Variants in PPP2R5A observed in about 807,000 individuals in gnomAD.
PPP2R5A encodes the protein protein phosphatase 2 regulatory subunit B'alpha, also known as serine/threonine-protein phosphatase 2A 56 kDa regulatory subunit alpha isoform.
A neutral mutation model predicts 64.2 loss-of-function variants in PPP2R5A; 25 were observed. That is an observed-to-expected ratio of 0.39 (90% confidence interval 0.28 to 0.54). The LOEUF is 0.54. Among genes scored for constraint, PPP2R5A ranks in the 20% least tolerant of loss-of-function variants. The pLI is 0.67. For synonymous variants in PPP2R5A, 198 were observed against 201.2 expected (o/e 0.98, Z 0.13); for missense variants, 425 against 576.3 (o/e 0.74, Z 2.69).
chr1:212,305,338 T>G (rs1414153317), intron 1 of PPP2R5A, among the ~76,000 whole-genome samples: 4 of 152,108 alleles, frequency 2.6e-5, no homozygotes, highest in Non-Finnish European at 4.4e-5. Context: ...CCCCAATTTT[T>G]TAATGTTACT....
intron 5 of PPP2R5A, among the ~76,000 whole-genome samples, chr1:212,346,348 T>C (rs1213581273): frequency 6.6e-6 from 1 of 151,924 alleles, no homozygotes; most frequent in Admixed American, 6.6e-5. Context: ...AGTCCTCTTA[T>C]ATGGGGCCTA....
intron 1 of PPP2R5A, among the ~76,000 whole-genome samples, chr1:212,327,143 G>A (rs1028816721): frequency 2.0e-5 from 3 of 152,150 alleles, no homozygotes; most frequent in African/African-American, 4.8e-5. Flanking sequence ...ATTTCTGCCT[G>A]TATCTTTATA....
chr1:212,350,585 C>T (rs532245377), intron 8 of PPP2R5A, among the ~76,000 whole-genome samples: 6 of 151,516 alleles, frequency 4.0e-5, no homozygotes, highest in East Asian at 2.0e-4. Context: ...ATCCAGGAGG[C>T]GTAGGTTGCA....
At chr1:212,314,458 A>G (rs954988573) in intron 1 of PPP2R5A, among the ~76,000 whole-genome samples, 3 of 151,914 alleles carry the variant, frequency 2.0e-5, no homozygotes, top group Non-Finnish European at 4.4e-5. Flanking sequence ...GCTGGAGTGC[A>G]TGATCACAGC....
chr1:212,318,613 T>G (rs1437424677), intron 1 of PPP2R5A, among the ~76,000 whole-genome samples: 2 of 152,214 alleles, frequency 1.3e-5, no homozygotes, highest in African/African-American at 4.8e-5. Flanking sequence ...AATTGCTCCT[T>G]GGTTAATACT....
intron 1 of PPP2R5A, among the ~76,000 whole-genome samples, chr1:212,316,362 T>C (rs1659152683): frequency 6.6e-6 from 1 of 152,150 alleles, no homozygotes; most frequent in Admixed American, 6.5e-5. Flanking sequence ...GGAGAAAGTT[T>C]GAGTGGTCTG....
At chr1:212,349,010 G>T (rs1467165696) in intron 7 of PPP2R5A, among the ~76,000 whole-genome samples, 179 bp from the exon 8 acceptor site, 5 of 152,082 alleles carry the variant, frequency 3.3e-5, no homozygotes, top group African/African-American at 7.2e-5. Flanking sequence ...TTACACAATT[G>T]TGAGTATAGT....
chr1:212,356,134 A>G (rs2102450165), intron 8 of PPP2R5A, among the ~76,000 whole-genome samples: 2 of 152,300 alleles, frequency 1.3e-5, no homozygotes, highest in African/African-American at 4.8e-5. Flanking sequence ...TGTGCTAGCC[A>G]TGAAATAGAC....
chr1:212,311,633 A>G (rs574316107), intron 1 of PPP2R5A, among the ~76,000 whole-genome samples: 2 of 152,250 alleles, frequency 1.3e-5, no homozygotes, highest in East Asian at 3.9e-4. Context: ...AGCCTCAGGC[A>G]GGCCCTTCAG....
In PPP2R5A at chr1:212,296,157, C is replaced by G. The variant is rs1658687889; in HGVS notation, c.181+9866C>G. Among the ~76,000 whole-genome samples the G allele has an allele frequency of 2.6e-5, 4 of 151,950 alleles. No homozygotes were observed. The South Asian group carries it at 8.3e-4, about 32-fold the overall frequency. On this transcript the variant is annotated intron_variant, in intron 1 of 12. Transcript: ENST00000261461. ...AGAGGTGTAGGAGTCAAGGATGACT[C>G]TCACGTGCTTTAGCTTGGACACCTG...
Position 212,286,130 on chromosome 1 carries a change from C to G in PPP2R5A, c.20C>G (p.Pro7Arg). The G allele has an allele frequency of 1.9e-6, 3 of 1,582,098 alleles. No individual in the cohort carries two copies. The highest frequency in any genetic ancestry group is 2.6e-6 in the Non-Finnish European group (3 of 1,167,122). Residue 7 changes from proline (P) to arginine (R), a missense_variant, in exon 1 of 13, where the codon CCG becomes CGG. This residue lies in a region of PPP2R5A where 104 missense variants were observed against 95.7 expected (regional missense o/e 1.09). Coordinates refer to ENST00000261461, the MANE Select transcript of PPP2R5A (RefSeq NM_006243.4). MSSSSP[P>R]AGAASAAISA... ...GCGGAGATGTCGTCGTCGTCGCCGC[C>G]GGCGGGGGCTGCCAGCGCCGCCATC...
At chr1:212,333,007 T>A (rs1230596615) in intron 2 of PPP2R5A, among the ~76,000 whole-genome samples, 1 of 151,912 alleles carries the variant, frequency 6.6e-6, no homozygotes, top group African/African-American at 2.4e-5. Context: ...GCTCAAGCGA[T>A]TCTCCTGCCT....
intron 1 of PPP2R5A, among the ~76,000 whole-genome samples, chr1:212,315,540 T>C (rs1659130593): frequency 6.6e-6 from 1 of 152,248 alleles, no homozygotes; most frequent in Non-Finnish European, 1.5e-5. Context: ...AAAACTTCTT[T>C]GCAACATTTT....
intron 1 of PPP2R5A, among the ~76,000 whole-genome samples, chr1:212,327,264 T>C (rs1261011468): frequency 6.6e-6 from 1 of 152,200 alleles, no homozygotes. Context: ...TAAACTTAAG[T>C]GATTGAACTA....
intron 1 of PPP2R5A, among the ~76,000 whole-genome samples, chr1:212,290,872 G>A (rs1658589333): frequency 6.6e-6 from 1 of 152,144 alleles, no homozygotes; most frequent in Admixed American, 6.6e-5. Context: ...ATTTTCACCT[G>A]CAAGAATAAC....
At chr1:212,343,619 A>G (rs1396775623) in intron 4 of PPP2R5A, among the ~76,000 whole-genome samples, 1 of 152,218 alleles carries the variant, frequency 6.6e-6, no homozygotes, top group Non-Finnish European at 1.5e-5. Context: ...CTATAAAGAA[A>G]TATTAGGTGT....
Position 212,285,854 on chromosome 1 carries a change from C to T in PPP2R5A, c.-257C>T. 1.1e-5 allele frequency: 4 copies of T among 379,460 alleles called. No individual in the cohort carries two copies. Among genetic ancestry groups the T allele is most frequent in the Non-Finnish European group, 1.9e-5 (4 of 214,698 alleles). The allele number at this position is 379,460 out of a possible 1,614,324, so 23.5% of individuals were successfully genotyped here. A position where few individuals can be genotyped will look rare whatever the true frequency, so the allele number is the denominator to read the frequency against. ...TCAACAACTTCTTCACCCCCCTCCG[C>T]CCCCGCCCTTCCCTCCGTCAGCCCC... On this transcript the variant is annotated 5_prime_UTR_variant, in exon 1 of 13. Coordinates refer to ENST00000261461, the MANE Select transcript of PPP2R5A (RefSeq NM_006243.4).
At chr1:212,291,535 A>AGAATCACCG (rs1489480458) in intron 1 of PPP2R5A, among the ~76,000 whole-genome samples, 3 of 152,222 alleles carry the variant, frequency 2.0e-5, no homozygotes, top group African/African-American at 7.2e-5. Context: ...GCCAGGATTG[A>AGAATCACCG]GAATCACCGG....
At chr1:212,319,489 T>A (rs566694000) in intron 1 of PPP2R5A, 3 of 152,330 alleles carry the variant, frequency 2.0e-5, no homozygotes, top group African/African-American at 7.2e-5. Context: ...GACTAAAACA[T>A]CATTATGACA....
Sources: gnomAD v4.1 joint callset for allele counts (sites outside exome capture counted in the v4.1 genomes callset) on GRCh38, gnomAD v4.1.1 for gene constraint, gnomAD v4.1.1 regional missense constraint, MANE v1.5 for transcripts, NCBI Gene and HGNC (gene_info 2026-07-23, HGNC 2026-07-21) for gene names.